The following KCTD1 variants were observed in gnomAD, a reference collection of about 807,000 sequenced individuals.
KCTD1 encodes the protein potassium channel tetramerization domain containing 1, also known as BTB/POZ domain-containing protein KCTD1.
In KCTD1, 24 loss-of-function variants were observed where a neutral mutation model predicts 66.0. The observed-to-expected ratio is 0.36, with a 90% CI of 0.26 to 0.51. The LOEUF (loss-of-function observed/expected upper bound fraction) is 0.51, where lower values mean the gene tolerates loss of function less well. KCTD1 is among the 20% of genes least tolerant of loss of function. The pLI is 0.95. For synonymous variants in KCTD1, 511 were observed against 517.2 expected (o/e 0.99, Z 0.16); for missense variants, 943 against 1,205.2 (o/e 0.78, Z 3.22).
chr18:26,521,112 T>A (rs1983889255), intron 1 of KCTD1, among the ~76,000 whole-genome samples: 3 of 152,068 alleles, frequency 2.0e-5, no homozygotes, highest in Admixed American at 2.0e-4. Flanking sequence ...ACAGGCCAAG[T>A]CCTCCCTGGA....
intron 1 of KCTD1, among the ~76,000 whole-genome samples, chr18:26,597,478 T>C (rs930593016): frequency 6.6e-6 from 1 of 152,086 alleles, no homozygotes; most frequent in East Asian, 1.9e-4. Flanking sequence ...ATTGGAGGTA[T>C]TGGTATGAGC....
chr18:26,533,430 T>TTA, intron 1 of KCTD1, among the ~76,000 whole-genome samples: 1 of 152,228 alleles, frequency 6.6e-6, no homozygotes, highest in Non-Finnish European at 1.5e-5. Context: ...ACAAAGAGTG[T>TTA]TACTGTTCTA....
At chr18:26,643,701 G>A (rs183623104), upstream of KCTD1, among the ~76,000 whole-genome samples, 21 of 152,210 alleles carry the variant, frequency 1.4e-4, no homozygotes, top group Admixed American at 1.2e-3. Context: ...GGTGGCTCAC[G>A]CCTGTAATCC....
chr18:26,577,804 C>A (rs1459054021), intron 1 of KCTD1, among the ~76,000 whole-genome samples: 1 of 151,958 alleles, frequency 6.6e-6, no homozygotes, highest in Non-Finnish European at 1.5e-5. Flanking sequence ...GAACACCAGA[C>A]CTCAAGTGAT....
intron 2 of KCTD1, among the ~76,000 whole-genome samples, chr18:26,495,512 G>A (rs149318829): frequency 2.0e-4 from 30 of 152,224 alleles, no homozygotes; most frequent in Non-Finnish European, 3.1e-4. Context: ...ACCCCTGGGT[G>A]GCCATGGGTG....
chr18:26,574,724 A>C (rs1363201864), intron 1 of KCTD1, among the ~76,000 whole-genome samples: 11 of 152,200 alleles, frequency 7.2e-5, no homozygotes, highest in Admixed American at 7.2e-4. Flanking sequence ...TGCGGTGAAG[A>C]TCAAAACTTT....
At chr18:26,549,699 C>G (rs1035987212), upstream of KCTD1, 8 of 984,724 alleles carry the variant, frequency 8.1e-6, no homozygotes, top group African/African-American at 1.2e-4. Flanking sequence ...AGCCACAATT[C>G]GGCAATTCGG....
chr18:26,514,419 G>A (rs540515488), intron 1 of KCTD1, among the ~76,000 whole-genome samples: 1 of 152,044 alleles, frequency 6.6e-6, no homozygotes, highest in Admixed American at 6.6e-5. Context: ...GGGCGTAGTG[G>A]TCTCAGCCTA....
chr18:26,653,889 C>T (rs1425663768), intron 1 of KCTD1, among the ~76,000 whole-genome samples: 1 of 152,122 alleles, frequency 6.6e-6, no homozygotes, highest in Admixed American at 6.5e-5. Context: ...GATAGTTCGT[C>T]CTAAAGATGG....
chr18:26,477,542 CAGAGA>C (rs1981412746), intron 2 of KCTD1, among the ~76,000 whole-genome samples: 1 of 152,172 alleles, frequency 6.6e-6, no homozygotes, highest in Admixed American at 6.5e-5. Context: ...CATTCCATAT[CAGAGA>C]AGAGAAATCT....
At chr18:26,564,020 T>C (rs1179320200) in intron 1 of KCTD1, among the ~76,000 whole-genome samples, 1 of 89,472 alleles carries the variant, frequency 1.1e-5, no homozygotes, top group Non-Finnish European at 2.0e-5. Context: ...AGAGAGGGGC[T>C]TTTTTTTTTT....
At chr18:26,591,770 G>C (rs908081668) in intron 1 of KCTD1, among the ~76,000 whole-genome samples, 1 of 152,064 alleles carries the variant, frequency 6.6e-6, no homozygotes, top group African/African-American at 2.4e-5. Flanking sequence ...TCGAACCACC[G>C]AACTTTATAT....
chr18:26,545,481 A>C (rs1462690000), intron 1 of KCTD1: 1 of 152,110 alleles, frequency 6.6e-6, no homozygotes, highest in Non-Finnish European at 1.5e-5. Context: ...AGGCTTGCCC[A>C]TTAGCTGGTA....
chr18:26,563,486 C>A (rs1050247181), intron 1 of KCTD1, among the ~76,000 whole-genome samples: 1 of 152,226 alleles, frequency 6.6e-6, no homozygotes, highest in African/African-American at 2.4e-5. Flanking sequence ...TGGCCATACT[C>A]TTCGTCTCCT....
In KCTD1 at chr18:26,505,679, C is replaced by T. The variant is rs184124516; in HGVS notation, c.1810-4429G>A. On this transcript the variant is annotated intron_variant, in intron 1 of 4. Transcript: ENST00000580059. ...TCAAGTGATCTTTTTGTCTCAGTCTCCCAAGTAGCTAGGACTACAAGTGTG... is the reference window on the plus strand; with the variant it reads ...TCAAGTGATCTTTTTGTCTCAGTCTTCCAAGTAGCTAGGACTACAAGTGTG... Among the ~76,000 whole-genome samples the T allele has an allele frequency of 8.5e-5, 13 of 152,254 alleles. 1 individual carries two copies. The East Asian group carries it at 2.5e-3, about 29-fold the overall frequency.
At chr18:26,571,254 G>C (rs1186025951) in intron 1 of KCTD1, among the ~76,000 whole-genome samples, 1 of 152,162 alleles carries the variant, frequency 6.6e-6, no homozygotes, top group African/African-American at 2.4e-5. Context: ...ATGAACGAAT[G>C]GGTAAGTAAG....
At position 26,529,401 on chromosome 18, in the gene KCTD1, C is replaced by T. The variant is rs545437945; in HGVS notation, c.1809+17327G>A. Reference sequence around the variant, plus strand: ...CCACTTCCCTATCCTCTCTAGGCTACAAGCCCGTGAACTTTCTTTTCTAGA... The same window carrying T: ...CCACTTCCCTATCCTCTCTAGGCTATAAGCCCGTGAACTTTCTTTTCTAGA... On this transcript the variant is annotated intron_variant, in intron 1 of 4. Transcript: ENST00000580059. 1.5e-3 allele frequency among the ~76,000 whole-genome samples: 223 copies of T among 152,332 alleles called. 1 individual carries two copies. Among genetic ancestry groups the T allele is most frequent in the Non-Finnish European group, 2.4e-3 (162 of 68,030 alleles).
At chr18:26,601,073 C>T (rs1271273529) in intron 1 of KCTD1, among the ~76,000 whole-genome samples, 25 of 152,042 alleles carry the variant, frequency 1.6e-4, no homozygotes, top group Admixed American at 1.6e-3. Context: ...TAGTGTCACA[C>T]ACAAATGGGG....
At chr18:26,521,875 C>T (rs773591962) in intron 1 of KCTD1, among the ~76,000 whole-genome samples, 5 of 152,114 alleles carry the variant, frequency 3.3e-5, no homozygotes, top group Non-Finnish European at 4.4e-5. Context: ...CTGACGAAAA[C>T]GGTCTATACC....
Sources: allele counts gnomAD v4.1 joint callset (sites outside exome capture counted in the v4.1 genomes callset), GRCh38; gene constraint gnomAD v4.1.1; transcripts MANE v1.5; gene names NCBI Gene and HGNC (gene_info 2026-07-23, HGNC 2026-07-21).